EPSTI1: variants seen among roughly 807,000 people sequenced by gnomAD.
The protein encoded by EPSTI1 is epithelial-stromal interaction protein 1.
Under a neutral mutation model 49.9 loss-of-function variants are expected in EPSTI1, and 66 were observed. The ratio of observed to expected loss-of-function variants is 1.32; its 90% CI spans 1.08 to 1.62. The LOEUF (loss-of-function observed/expected upper bound fraction) is 1.62, where lower values mean the gene tolerates loss of function less well. Among genes scored for constraint, EPSTI1 ranks in the 40% most tolerant of loss-of-function variants. The pLI is 0.00. For missense variants in EPSTI1, 394 were observed against 365.5 expected (o/e 1.08, Z -0.64); for synonymous variants, 137 against 130.7 (o/e 1.05, Z -0.33).
At chr13:42,984,748 G>A (rs1176739018) in intron 1 of EPSTI1, among the ~76,000 whole-genome samples, 3 of 152,242 alleles carry the variant, frequency 2.0e-5, no homozygotes, top group African/African-American at 7.2e-5. Context: ...TCCCTTGAGA[G>A]TTTGGGGATG....
At chr13:42,926,231 T>C (rs1267125534) in intron 7 of EPSTI1, 105 bp downstream of exon 7, 5 of 762,148 alleles carry the variant, frequency 6.6e-6, no homozygotes, top group Non-Finnish European at 1.2e-5. Flanking sequence ...CTGTCTTTAG[T>C]TCCAGCATTC....
chr13:42,961,292 C>A (rs1488316075), intron 5 of EPSTI1, among the ~76,000 whole-genome samples: 2 of 152,042 alleles, frequency 1.3e-5, no homozygotes, highest in African/African-American at 2.4e-5. Context: ...ATTTCCACAT[C>A]GTAAATATTT....
At chr13:42,889,468 C>T (rs2036965603) in intron 10 of EPSTI1, among the ~76,000 whole-genome samples, 1 of 152,062 alleles carries the variant, frequency 6.6e-6, no homozygotes, top group Admixed American at 6.5e-5. Context: ...ATAATTTCTG[C>T]CTTCCTCCTT....
At chr13:42,897,099 C>CAA (rs200789783) in intron 9 of EPSTI1, among the ~76,000 whole-genome samples, 5,446 of 121,884 alleles carry the variant, frequency 0.045, 155 homozygotes, top group Non-Finnish European at 0.065. Flanking sequence ...AACTCTGTCT[C>CAA]AAAAAAAAAA....
intron 8 of EPSTI1, among the ~76,000 whole-genome samples, chr13:42,914,425 G>GT (rs2037772954): frequency 6.6e-6 from 1 of 151,210 alleles, no homozygotes; most frequent in South Asian, 2.1e-4. Flanking sequence ...GAATAATACA[G>GT]TTAAAAAAAA....
chr13:42,908,808 C>A (rs953715776), intron 8 of EPSTI1, among the ~76,000 whole-genome samples: 34 of 151,812 alleles, frequency 2.2e-4, no homozygotes, highest in African/African-American at 7.7e-4. Context: ...AAGGGCCAGG[C>A]GCAGTGGCTC....
chr13:42,965,708 TCTC>T (rs1157453747), intron 3 of EPSTI1, among the ~76,000 whole-genome samples: 7 of 6,096 alleles, frequency 1.1e-3, no homozygotes, highest in African/African-American at 3.0e-3. Flanking sequence ...TCCCTCTCCC[TCTC>T]CCTCTCCCTC....
At chr13:42,983,648 C>T (rs1373119861) in intron 1 of EPSTI1, among the ~76,000 whole-genome samples, 1 of 149,756 alleles carries the variant, frequency 6.7e-6, no homozygotes, top group Non-Finnish European at 1.5e-5. Context: ...TCCATCTGTA[C>T]ATCATATTCA....
chr13:42,903,176 A>G lies in EPSTI1; in HGVS notation c.742-2793T>C, dbSNP rs185479352. On this transcript the variant is annotated intron_variant, in intron 8 of 10. Coordinates refer to ENST00000313624, the MANE Select transcript of EPSTI1 (RefSeq NM_033255.5). ...ATGACACAAAGACAAAAAAAGTATA[A>G]AATACATACATATATATATATGCAT... Among the ~76,000 whole-genome samples the G allele has an allele frequency of 6.2e-3, 941 of 152,064 alleles. 12 individuals are homozygous for G. Among genetic ancestry groups the G allele is most frequent in the African/African-American group, 0.021 (886 of 41,454 alleles).
At chr13:42,969,417 C>A in intron 2 of EPSTI1, 4 of 468,904 alleles carry the variant, frequency 8.5e-6, no homozygotes, top group Non-Finnish European at 1.1e-5. Flanking sequence ...GAAAAACCAC[C>A]TGGGCTCCTA....
chr13:42,951,469 T>A (rs1029749898), intron 6 of EPSTI1, among the ~76,000 whole-genome samples: 1 of 152,226 alleles, frequency 6.6e-6, no homozygotes, highest in Non-Finnish European at 1.5e-5. Flanking sequence ...CCTGGTTAAC[T>A]GGGACTTTTA....
At chr13:42,953,267 A>C (rs1281242720) in intron 6 of EPSTI1, among the ~76,000 whole-genome samples, 2 of 140,760 alleles carry the variant, frequency 1.4e-5, no homozygotes, top group African/African-American at 5.3e-5. Context: ...AAAAAAAAAA[A>C]CACTGACATT....
At chr13:42,899,246 G>A (rs980903494) in intron 9 of EPSTI1, among the ~76,000 whole-genome samples, 2 of 151,290 alleles carry the variant, frequency 1.3e-5, no homozygotes, top group Non-Finnish European at 2.9e-5. Flanking sequence ...GCAATAAAAT[G>A]GCTAAATTAT....
At chr13:42,923,835 T>C (rs1309297788) in intron 7 of EPSTI1, among the ~76,000 whole-genome samples, 1 of 152,250 alleles carries the variant, frequency 6.6e-6, no homozygotes, top group African/African-American at 2.4e-5. Context: ...TTTCTAGTAT[T>C]TATTAAATCC....
chr13:42,959,134 C>T (rs1268979537), intron 5 of EPSTI1, among the ~76,000 whole-genome samples: 1 of 152,138 alleles, frequency 6.6e-6, no homozygotes, highest in African/African-American at 2.4e-5. Context: ...ATCCTCTAGT[C>T]CTACCAGTCT....
intron 6 of EPSTI1, among the ~76,000 whole-genome samples, chr13:42,949,649 G>A (rs888146495): frequency 6.6e-6 from 1 of 151,094 alleles, no homozygotes; most frequent in African/African-American, 2.4e-5. Context: ...TCATCAAGTG[G>A]CTGTTAGACA....
At chr13:42,891,538 C>A (rs1594598204) in intron 10 of EPSTI1, among the ~76,000 whole-genome samples, 2 of 152,046 alleles carry the variant, frequency 1.3e-5, no homozygotes, top group African/African-American at 4.8e-5. Flanking sequence ...TGGTTTAATT[C>A]TTTTTGAAGT....
In EPSTI1 at chr13:42,887,772, C is replaced by CTGA. The variant is rs2036905351; in HGVS notation, c.*719_*721dup. Reference sequence around the variant, plus strand: ...ATATGATGTCTATATTTGTGTCTAGCTGATGTGTATACAAACATTGGCCTT... The same window carrying CTGA: ...ATATGATGTCTATATTTGTGTCTAGCTGATGATGTGTATACAAACATTGGCCTT... On this transcript the variant is annotated 3_prime_UTR_variant, in exon 11 of 11. Transcript: ENST00000313624. The CTGA allele has an allele frequency of 6.6e-6, 1 of 152,492 alleles. No individual in the cohort carries two copies. Among genetic ancestry groups the CTGA allele is most frequent in the Non-Finnish European group, 1.5e-5 (1 of 68,296 alleles). The allele number at this position is 152,492 out of a possible 1,614,324, so 9.4% of individuals were successfully genotyped here.
At chr13:42,901,727 A>T (rs1276106340) in intron 8 of EPSTI1, among the ~76,000 whole-genome samples, 2 of 152,210 alleles carry the variant, frequency 1.3e-5, no homozygotes, top group Non-Finnish European at 2.9e-5. Context: ...ATAAGTAATT[A>T]TCTTCTTCTT....
Sources: gnomAD v4.1 joint callset for allele counts (sites outside exome capture counted in the v4.1 genomes callset) on GRCh38, gnomAD v4.1.1 for gene constraint, MANE v1.5 for transcripts, NCBI Gene and HGNC (gene_info 2026-07-23, HGNC 2026-07-21) for gene names.